Variants in SPTBN1 observed in about 807,000 individuals in gnomAD.
SPTBN1 encodes spectrin beta, non-erythrocytic 1.
A neutral mutation model predicts 266.4 loss-of-function variants in SPTBN1; 32 were observed. That is an observed-to-expected ratio of 0.12 (90% CI 0.09 to 0.16). The LOEUF (loss-of-function observed/expected upper bound fraction) is 0.16. Ranked by LOEUF, SPTBN1 falls within the 10% of genes least tolerant of loss-of-function variation. The pLI is 1.00. For missense variants in SPTBN1, 2,296 were observed against 3,067.1 expected (o/e 0.75, Z 5.94); for synonymous variants, 1,336 against 1,162.2 (o/e 1.15, Z -3.04).
At chr2:54,487,541 C>T (rs1668464314) in intron 1 of SPTBN1, among the ~76,000 whole-genome samples, 2 of 152,140 alleles carry the variant, frequency 1.3e-5, no homozygotes, top group South Asian at 2.1e-4. Flanking sequence ...AGCCTAGGTA[C>T]AATTCCTCAG....
chr2:54,623,854 GATAC>G (rs1678153608), intron 10 of SPTBN1, among the ~76,000 whole-genome samples: 1 of 152,200 alleles, frequency 6.6e-6, no homozygotes, highest in Non-Finnish European at 1.5e-5. Flanking sequence ...TTGCTACTCA[GATAC>G]ATATCACTTT....
intron 15 of SPTBN1, 140 bp from the exon 16 acceptor site, chr2:54,630,715 T>A: frequency 9.6e-7 from 1 of 1,040,442 alleles, no homozygotes. Flanking sequence ...TTGAGTGAGA[T>A]GATTTTCCAA....
At chr2:54,539,408 A>G (rs1671805532) in intron 2 of SPTBN1, among the ~76,000 whole-genome samples, 1 of 152,218 alleles carries the variant, frequency 6.6e-6, no homozygotes, top group Non-Finnish European at 1.5e-5. Flanking sequence ...ATTACAGTGC[A>G]TGCATTGCAA....
At chr2:54,474,850 A>G (rs1009974499) in intron 1 of SPTBN1, among the ~76,000 whole-genome samples, 1 of 152,176 alleles carries the variant, frequency 6.6e-6, no homozygotes, top group South Asian at 2.1e-4. Context: ...TGTTACTTCT[A>G]TAATTTGAAA....
At chr2:54,523,785 G>A (rs532110793) in intron 1 of SPTBN1, among the ~76,000 whole-genome samples, 2 of 152,312 alleles carry the variant, frequency 1.3e-5, no homozygotes, top group African/African-American at 4.8e-5. Context: ...TTAGCACGCA[G>A]GCTGTGGTGA....
intron 20 of SPTBN1, 103 bp downstream of exon 20, chr2:54,644,689 T>C (rs768700126): frequency 1.4e-6 from 2 of 1,452,984 alleles, no homozygotes; most frequent in African/African-American, 2.8e-5. Context: ...CCACCTTCCA[T>C]GGGAAGGCAT....
chr2:54,519,113 A>T (rs1382294781), intron 1 of SPTBN1, among the ~76,000 whole-genome samples: 1 of 152,168 alleles, frequency 6.6e-6, no homozygotes, highest in Non-Finnish European at 1.5e-5. Flanking sequence ...AGATAGTACC[A>T]GAGTGGCAGC....
chr2:54,563,327 G>C (rs927668719), intron 2 of SPTBN1, among the ~76,000 whole-genome samples: 1 of 152,116 alleles, frequency 6.6e-6, no homozygotes, highest in Non-Finnish European at 1.5e-5. Flanking sequence ...TTTGCAGCCA[G>C]ATGCTGACAC....
chr2:54,632,852 T>G, intron 17 of SPTBN1, 84 bp downstream of exon 17: 1 of 1,473,120 alleles, frequency 6.8e-7, no homozygotes, highest in South Asian at 1.3e-5. Context: ...CCCTTGGGAG[T>G]TTAGGTATAA....
At chr2:54,487,230 C>G (rs982831252) in intron 1 of SPTBN1, among the ~76,000 whole-genome samples, 2 of 136,102 alleles carry the variant, frequency 1.5e-5, no homozygotes, top group African/African-American at 5.9e-5. Flanking sequence ...ACAATTTTTC[C>G]CTTTGAAATT....
At position 54,649,565 on chromosome 2, in the gene SPTBN1, TACAGAGTTC is replaced by T; in HGVS notation, c.5203-45_5203-37del. On this transcript the variant is annotated intron_variant, in intron 25 of 35. Transcript: ENST00000356805. This position sits in a 1 kb window ranked among gnomAD's most constrained non-coding sequence, Gnocchi z 6.7. ...AAAGGGTATTCATGTGATCAAGAAA[TACAGAGTTC>T]ACAGTGGGCTCTCTGATTTCCTTAC... 1 of 1,581,612 alleles carries T rather than the reference TACAGAGTTC, an allele frequency of 6.3e-7. No individual in the cohort carries two copies. Among genetic ancestry groups the T allele is most frequent in the South Asian group, 1.2e-5 (1 of 86,448 alleles).
chr2:54,613,446 C>T (rs80311930), intron 4 of SPTBN1, among the ~76,000 whole-genome samples: 112 of 152,300 alleles, frequency 7.4e-4, no homozygotes, highest in African/African-American at 2.5e-3. Flanking sequence ...ACTTGCCCTA[C>T]GATTGGGCTT....
chr2:54,647,327 C>T, intron 24 of SPTBN1, 66 bp downstream of exon 24: 1 of 1,570,260 alleles, frequency 6.4e-7, no homozygotes, highest in South Asian at 1.1e-5. Context: ...CTCTTGCTAA[C>T]CCCCACCAAA....
intron 1 of SPTBN1, among the ~76,000 whole-genome samples, chr2:54,468,943 TAATA>T (rs1693778210): frequency 6.6e-6 from 1 of 152,248 alleles, no homozygotes; most frequent in African/African-American, 2.4e-5. Context: ...GTTTTAAGTG[TAATA>T]AATTTTACTG....
intron 2 of SPTBN1, among the ~76,000 whole-genome samples, 167 bp from the exon 3 acceptor site, chr2:54,598,925 G>A (rs900836223): frequency 1.3e-5 from 2 of 152,198 alleles, no homozygotes; most frequent in African/African-American, 2.4e-5. Context: ...AGTAATCAGT[G>A]TTCTTTCTCA....
chr2:54,473,503 G>GTT (rs148184623), intron 1 of SPTBN1, among the ~76,000 whole-genome samples: 26 of 147,906 alleles, frequency 1.8e-4, no homozygotes, highest in East Asian at 4.0e-4. Flanking sequence ...CTCCAGTTTT[G>GTT]TTTTTTTTTT....
At chr2:54,619,811 G>A (rs977514732) in intron 7 of SPTBN1, among the ~76,000 whole-genome samples, 1 of 152,114 alleles carries the variant, frequency 6.6e-6, no homozygotes, top group Non-Finnish European at 1.5e-5. Flanking sequence ...CTGTGATTCT[G>A]GCCCTCACAA....
intron 2 of SPTBN1, among the ~76,000 whole-genome samples, chr2:54,586,986 C>T (rs1009026714): frequency 1.6e-4 from 25 of 152,168 alleles, no homozygotes; most frequent in Admixed American, 6.5e-5. Flanking sequence ...TTAAGGATTC[C>T]GGAAACCTGG....
intron 17 of SPTBN1, among the ~76,000 whole-genome samples, chr2:54,637,142 T>A (rs565699321): frequency 2.0e-5 from 3 of 152,226 alleles, no homozygotes; most frequent in Non-Finnish European, 1.5e-5. Flanking sequence ...GTGTTTTAAC[T>A]TCTTTGAGCT....
Sources: allele counts gnomAD v4.1 joint callset (sites outside exome capture counted in the v4.1 genomes callset), GRCh38; gene constraint gnomAD v4.1.1; non-coding constraint Gnocchi (gnomAD v3.1); transcripts MANE v1.5; gene names NCBI Gene and HGNC (gene_info 2026-07-23, HGNC 2026-07-21).